DPH6: variants seen among roughly 807,000 people sequenced by gnomAD.
DPH6 encodes diphthamine biosynthesis 6, also known as diphthine--ammonia ligase.
A neutral mutation model predicts 38.2 loss-of-function variants in DPH6; 33 were observed. The observed-to-expected ratio is 0.86, with a 90% CI of 0.65 to 1.15. DPH6 has a LOEUF of 1.15. Ranked by LOEUF, DPH6 falls within the 50% of genes most tolerant of loss-of-function variation. The pLI, the probability that DPH6 is intolerant of heterozygous loss-of-function variation, is 0.00. For synonymous variants in DPH6, 108 were observed against 103.0 expected, an observed-to-expected ratio of 1.05 and a Z score of -0.30; for missense variants, 325 against 320.0, an observed-to-expected ratio of 1.02 and a Z score of -0.12.
chr15:35,396,963 CT>C (rs767683068), intron 6 of DPH6, among the ~76,000 whole-genome samples: 1 of 152,124 alleles, frequency 6.6e-6, no homozygotes, highest in Non-Finnish European at 1.5e-5. Flanking sequence ...GCAAGTTGTG[CT>C]TTTGTCAAAC....
intron 3 of DPH6, among the ~76,000 whole-genome samples, chr15:35,271,791 T>G (rs2051824131): frequency 6.6e-6 from 1 of 152,216 alleles, no homozygotes; most frequent in Admixed American, 6.5e-5. Flanking sequence ...CGCTGCGAGG[T>G]AGAGCAAACA....
intron 3 of DPH6, among the ~76,000 whole-genome samples, chr15:35,512,350 G>A (rs2054786495): frequency 6.6e-6 from 1 of 151,982 alleles, no homozygotes; most frequent in Non-Finnish European, 1.5e-5. Context: ...ACAGAACCTA[G>A]TAGAAAAAAA....
the DPH6 span, among the ~76,000 whole-genome samples, chr15:35,146,171 A>G: frequency 6.6e-6 from 1 of 151,926 alleles, no homozygotes; most frequent in Non-Finnish European, 1.5e-5. Flanking sequence ...ATATTACTTC[A>G]ATAACATATT....
At chr15:35,344,096 T>C (rs1353206181) in intron 3 of DPH6, among the ~76,000 whole-genome samples, 1 of 152,022 alleles carries the variant, frequency 6.6e-6, no homozygotes, top group Non-Finnish European at 1.5e-5. Flanking sequence ...TCAATTAAGA[T>C]AAGTTTGAAA....
the DPH6 span, among the ~76,000 whole-genome samples, chr15:35,151,117 T>G: frequency 6.6e-6 from 1 of 152,228 alleles, no homozygotes; most frequent in South Asian, 2.1e-4. Context: ...TTACTCAACT[T>G]TAACCCGGGG....
intron 3 of DPH6, chr15:35,365,688 G>T: frequency 1.3e-6 from 1 of 762,036 alleles, no homozygotes; most frequent in Non-Finnish European, 1.6e-6. Context: ...GCATTGCCCA[G>T]TTTGATTCCC....
intron 5 of DPH6, among the ~76,000 whole-genome samples, chr15:35,430,587 C>A (rs999431500): frequency 1.3e-5 from 2 of 151,670 alleles, no homozygotes; most frequent in Admixed American, 6.6e-5. Context: ...TAATCATGAT[C>A]TAAAACTATT....
chr15:35,250,631 T>C lies in DPH6; in HGVS notation n.201-30049A>G, dbSNP rs1198300758. Among the ~76,000 whole-genome samples the C allele has an allele frequency of 2.6e-5, 4 of 152,146 alleles. No individual in the cohort carries two copies. In the East Asian group the frequency reaches 7.7e-4, roughly 29 times the overall value. ...AGAAATGTTTTTTTCAAGTATTATA[T>C]ACCCAAACCATTAATTAAGTACCTA... On this transcript the variant is annotated intron_variant and non_coding_transcript_variant, in intron 3 of 3. Transcript: ENST00000560386.
At chr15:35,279,063 AAAAAAAT>A (rs1240844100) in intron 3 of DPH6, among the ~76,000 whole-genome samples, 1 of 131,328 alleles carries the variant, frequency 7.6e-6, no homozygotes, top group African/African-American at 3.1e-5. Flanking sequence ...AAAAAAAAAA[AAAAAAAT>A]ATATATATAT....
At chr15:35,192,215 T>C in the DPH6 span, among the ~76,000 whole-genome samples, 70 of 152,302 alleles carry the variant, frequency 4.6e-4, 2 homozygotes, top group East Asian at 8.9e-3. Flanking sequence ...TAGTTTCACT[T>C]TAAATCCTAG....
intron 3 of DPH6, among the ~76,000 whole-genome samples, chr15:35,259,046 T>C (rs2051726259): frequency 6.6e-6 from 1 of 151,082 alleles, no homozygotes; most frequent in African/African-American, 2.4e-5. Flanking sequence ...CTGGGGAGGC[T>C]GAGGCAGAGA....
chr15:35,470,681 T>C (rs1830887248), intron 3 of DPH6, among the ~76,000 whole-genome samples: 2 of 152,126 alleles, frequency 1.3e-5, no homozygotes, highest in South Asian at 2.1e-4. Context: ...CCCAATCCAG[T>C]CTTACTTCTG....
At chr15:35,356,833 T>C (rs1446343769) in intron 3 of DPH6, among the ~76,000 whole-genome samples, 1 of 152,324 alleles carries the variant, frequency 6.6e-6, no homozygotes, top group African/African-American at 2.4e-5. Flanking sequence ...CATTTAAAAC[T>C]GCAGAGGTTT....
At chr15:35,183,306 G>A in the DPH6 span, among the ~76,000 whole-genome samples, 1 of 152,188 alleles carries the variant, frequency 6.6e-6, no homozygotes. Context: ...TTCCTTCTCA[G>A]CAGGGACTGG....
chr15:35,271,243 G>A (rs1488574993), intron 3 of DPH6, among the ~76,000 whole-genome samples: 1 of 149,856 alleles, frequency 6.7e-6, no homozygotes, highest in African/African-American at 2.5e-5. Context: ...GGTCAATGGA[G>A]TTAAACAAAC....
intron 3 of DPH6, among the ~76,000 whole-genome samples, chr15:35,361,364 C>G (rs1387014957): frequency 6.6e-6 from 1 of 152,134 alleles, no homozygotes; most frequent in African/African-American, 2.4e-5. Flanking sequence ...GCCTATGTCA[C>G]TCTCTAACTT....
rs997815567 is a variant in DPH6, at chr15:35,371,951, T to C, written c.*199A>G. Reference sequence around the variant, plus strand: ...AGAGAAAGAGTGAATTCCAAGAAAGTTGGCACTATTAATGAACATGCCGTC... The same window carrying C: ...AGAGAAAGAGTGAATTCCAAGAAAGCTGGCACTATTAATGAACATGCCGTC... On this transcript the variant is annotated 3_prime_UTR_variant, in exon 9 of 9. Transcript: ENST00000256538. The C allele has an allele frequency of 4.8e-6, 6 of 1,261,384 alleles. No homozygotes were observed. The highest frequency in any genetic ancestry group is 3.5e-5 in the East Asian group (1 of 28,310). 78.1% of individuals were successfully genotyped at this position (1,261,384 alleles called of 1,614,324 possible). A position where few individuals can be genotyped will look rare whatever the true frequency, so the allele number is the denominator to read the frequency against.
At chr15:35,385,489 C>T (rs147256048) in intron 6 of DPH6, among the ~76,000 whole-genome samples, 2,591 of 151,898 alleles carry the variant, frequency 0.017, 92 homozygotes, top group Non-Finnish European at 0.015. Context: ...AAGCTGGAAA[C>T]CATTCTCAGA....
At chr15:35,509,951 C>G (rs2054745243) in intron 3 of DPH6, among the ~76,000 whole-genome samples, 1 of 152,210 alleles carries the variant, frequency 6.6e-6, no homozygotes. Context: ...CATGGAGGCT[C>G]ATCCCTATTG....
Sources: gnomAD v4.1 joint callset for allele counts (sites outside exome capture counted in the v4.1 genomes callset) on GRCh38, gnomAD v4.1.1 for gene constraint, MANE v1.5 for transcripts, NCBI Gene and HGNC (gene_info 2026-07-23, HGNC 2026-07-21) for gene names.